The following DOK5 variants were observed in gnomAD, a reference collection of about 807,000 sequenced individuals.
DOK5 encodes downstream of tyrosine kinase 5.
Under a neutral mutation model 43.3 loss-of-function variants are expected in DOK5, and 27 were observed. The observed-to-expected ratio is 0.62, with a 90% confidence interval of 0.46 to 0.86. The LOEUF (loss-of-function observed/expected upper bound fraction) is 0.86, where lower values mean the gene tolerates loss of function less well. Among genes scored for constraint, DOK5 ranks in the 40% least tolerant of loss-of-function variants. DOK5 has a pLI of 0.00. For missense variants in DOK5, 373 were observed against 392.9 expected (o/e 0.95, Z 0.43); for synonymous variants, 146 against 140.1 (o/e 1.04, Z -0.30).
intron 6 of DOK5, among the ~76,000 whole-genome samples, chr20:54,637,563 C>T (rs559794010): frequency 8.5e-5 from 13 of 152,336 alleles, no homozygotes; most frequent in South Asian, 4.1e-4. Flanking sequence ...ATGGCAAAGT[C>T]GAGTGAAGTA....
chr20:54,607,881 T>TAAAAC (rs146059505), intron 5 of DOK5, among the ~76,000 whole-genome samples: 5,740 of 122,420 alleles, frequency 0.047, 143 homozygotes, highest in Non-Finnish European at 0.059. Flanking sequence ...AGACTCCATC[T>TAAAAC]AAAACAAAAC....
intron 1 of DOK5, among the ~76,000 whole-genome samples, chr20:54,490,266 AT>A (rs1255354833): frequency 1.2e-4 from 19 of 152,290 alleles, no homozygotes; most frequent in East Asian, 3.9e-4. Context: ...CTGTTACTGT[AT>A]TTTTTCTCTA....
Position 54,650,565 on chromosome 20 carries a change from T to C in DOK5, c.*86T>C. On this transcript the variant is annotated 3_prime_UTR_variant, in exon 8 of 8. Coordinates refer to ENST00000262593, the MANE Select transcript of DOK5 (RefSeq NM_018431.5). ...GGTCACAGAATGACAGCAAGGGAAA[T>C]GACGACCAAGAGAAGAAGCTTAAAG... The C allele has an allele frequency of 1.5e-6, 2 of 1,325,332 alleles. No individual in the cohort carries two copies. The highest frequency in any genetic ancestry group is 2.1e-6 in the Non-Finnish European group (2 of 935,954). 82.1% of individuals were successfully genotyped at this position (1,325,332 alleles called of 1,614,324 possible). A position where few individuals can be genotyped will look rare whatever the true frequency, so the allele number is the denominator to read the frequency against.
At chr20:54,479,075 A>T (rs1251772325) in intron 1 of DOK5, among the ~76,000 whole-genome samples, 1 of 152,102 alleles carries the variant, frequency 6.6e-6, no homozygotes, top group Non-Finnish European at 1.5e-5. Context: ...ACGTATATTT[A>T]TATATGTGAT....
At chr20:54,626,724 C>A (rs780184724) in intron 6 of DOK5, among the ~76,000 whole-genome samples, 2 of 152,086 alleles carry the variant, frequency 1.3e-5, no homozygotes, top group Non-Finnish European at 2.9e-5. Context: ...TGTCGTGATG[C>A]AATTGTTTAT....
At chr20:54,593,361 G>C (rs190074709) in intron 5 of DOK5, among the ~76,000 whole-genome samples, 1 of 152,172 alleles carries the variant, frequency 6.6e-6, no homozygotes, top group African/African-American at 2.4e-5. Flanking sequence ...TGTCTGCAAA[G>C]TTTTTTACTT....
chr20:54,623,608 G>A (rs1443260091), intron 6 of DOK5, among the ~76,000 whole-genome samples: 1 of 151,964 alleles, frequency 6.6e-6, no homozygotes, highest in African/African-American at 2.4e-5. Flanking sequence ...GAGATGGAGT[G>A]TCGCTCTGTC....
intron 6 of DOK5, among the ~76,000 whole-genome samples, chr20:54,614,841 T>G (rs1004560856): frequency 6.6e-6 from 1 of 152,200 alleles, no homozygotes; most frequent in African/African-American, 2.4e-5. Context: ...TTAGTCAATC[T>G]CTGATTAGGG....
At chr20:54,583,640 T>C (rs1356490597) in intron 2 of DOK5, among the ~76,000 whole-genome samples, 2 of 152,184 alleles carry the variant, frequency 1.3e-5, no homozygotes, top group African/African-American at 4.8e-5. Flanking sequence ...AGTGTCCTTC[T>C]TTGTCTCTCA....
At chr20:54,506,635 A>T (rs1054004665) in intron 1 of DOK5, among the ~76,000 whole-genome samples, 28 of 152,052 alleles carry the variant, frequency 1.8e-4, no homozygotes, top group African/African-American at 6.8e-4. Context: ...AATTTTTACA[A>T]ACTTCTTGTA....
chr20:54,613,540 A>G (rs1986718261), intron 6 of DOK5, among the ~76,000 whole-genome samples: 1 of 152,168 alleles, frequency 6.6e-6, no homozygotes, highest in Non-Finnish European at 1.5e-5. Context: ...GCTTTCCAGT[A>G]TTTTAACTAG....
chr20:54,546,276 G>T (rs1338787551), intron 1 of DOK5, among the ~76,000 whole-genome samples: 1 of 152,214 alleles, frequency 6.6e-6, no homozygotes, highest in Non-Finnish European at 1.5e-5. Flanking sequence ...TTCAGCCAAT[G>T]CTAGGCATTA....
At chr20:54,539,099 G>C (rs1341021092) in intron 1 of DOK5, among the ~76,000 whole-genome samples, 2 of 151,930 alleles carry the variant, frequency 1.3e-5, no homozygotes, top group Non-Finnish European at 2.9e-5. Context: ...TACCAGCCTG[G>C]CTAATAGGGT....
At chr20:54,613,207 TC>T in intron 6 of DOK5, among the ~76,000 whole-genome samples, 2 of 151,556 alleles carry the variant, frequency 1.3e-5, no homozygotes, top group African/African-American at 4.9e-5. Flanking sequence ...TCTCTCTCTC[TC>T]TCTCTCTCTC....
chr20:54,550,982 T>A (rs898759100), intron 1 of DOK5, among the ~76,000 whole-genome samples: 5 of 152,220 alleles, frequency 3.3e-5, no homozygotes, highest in Non-Finnish European at 2.9e-5. Context: ...CCACTGTTTT[T>A]CAGAGTGGCT....
intron 1 of DOK5, chr20:54,494,990 C>T (rs1425738195): frequency 6.6e-6 from 1 of 151,974 alleles, no homozygotes; most frequent in African/African-American, 2.4e-5. Flanking sequence ...CCATGGTTCT[C>T]CCTTTATTTT....
rs565548732 is a variant in DOK5, at chr20:54,611,773, T to C, written c.735+1250T>C. Among the ~76,000 whole-genome samples, 3 of 152,286 alleles carry C rather than the reference T, an allele frequency of 2.0e-5. No homozygotes were observed. In the South Asian group the frequency reaches 6.2e-4, roughly 32 times the overall value. Reference sequence around the variant, plus strand: ...TGGCAAGATTAGGGTAGTTTGAAACTTTATGATTGAAACATGTGGGGTGGT... The same window carrying C: ...TGGCAAGATTAGGGTAGTTTGAAACCTTATGATTGAAACATGTGGGGTGGT... On this transcript the variant is annotated intron_variant, in intron 6 of 7. Transcript: ENST00000262593.
chr20:54,554,652 T>G (rs1984650196), intron 1 of DOK5, among the ~76,000 whole-genome samples: 1 of 152,224 alleles, frequency 6.6e-6, no homozygotes, highest in Non-Finnish European at 1.5e-5. Context: ...GATTTTTATC[T>G]CTGGGACTTT....
At chr20:54,606,120 T>G (rs1346170549) in intron 5 of DOK5, among the ~76,000 whole-genome samples, 1 of 152,252 alleles carries the variant, frequency 6.6e-6, no homozygotes, top group Non-Finnish European at 1.5e-5. Context: ...TTCTGAATTC[T>G]TGAATAATTG....
Sources: gnomAD v4.1 joint callset for allele counts (sites outside exome capture counted in the v4.1 genomes callset) on GRCh38, gnomAD v4.1.1 for gene constraint, MANE v1.5 for transcripts, NCBI Gene and HGNC (gene_info 2026-07-23, HGNC 2026-07-21) for gene names.